MBNL1: variants seen among roughly 807,000 people sequenced by gnomAD.
MBNL1 encodes the protein muscleblind-like protein 1.
MBNL1 carries 8 observed loss-of-function variants against 42.2 expected under a neutral mutation model. The observed-to-expected ratio is 0.19, with a 90% CI of 0.11 to 0.34. The LOEUF (loss-of-function observed/expected upper bound fraction) is 0.34, where lower values mean the gene tolerates loss of function less well. Ranked by LOEUF, MBNL1 falls within the 10% of genes least tolerant of loss-of-function variation. The probability of loss-of-function intolerance (pLI) is 1.00; values close to 1 mark genes in which losing one functional copy is unlikely to be tolerated. For synonymous variants in MBNL1, 169 were observed against 173.9 expected, an observed-to-expected ratio of 0.97 and a Z score of 0.22; for missense variants, 309 against 495.3, an observed-to-expected ratio of 0.62 and a Z score of 3.57.
rs911139167 is a variant in MBNL1, at chr3:152,335,148, G to A, written c.174+34781G>A. ...AAATGTTGTTTAAGGGGAACCTTCT[G>A]GATCCTTTTCATGGCACCATGGCAA... On this transcript the variant is annotated intron_variant, in intron 2 of 9. Coordinates refer to ENST00000324210, the MANE Select transcript of MBNL1 (RefSeq NM_021038.5). 6 of 1,289,626 alleles carry A rather than the reference G, an allele frequency of 4.7e-6. No individual in the cohort carries two copies. In the East Asian group the frequency reaches 3.3e-4, roughly 72 times the overall value. 79.9% of individuals were successfully genotyped at this position (1,289,626 alleles called of 1,614,324 possible). A position where few individuals can be genotyped will look rare whatever the true frequency, so the allele number is the denominator to read the frequency against.
intron 2 of MBNL1, among the ~76,000 whole-genome samples, chr3:152,248,440 G>T (rs2149368646): frequency 6.6e-6 from 1 of 151,862 alleles, no homozygotes; most frequent in South Asian, 2.1e-4. Flanking sequence ...ACCTAGATTT[G>T]CTTAAATATT....
At chr3:152,455,190 G>A (rs141249528) in intron 6 of MBNL1, among the ~76,000 whole-genome samples, 250 of 152,196 alleles carry the variant, frequency 1.6e-3, no homozygotes, top group African/African-American at 5.5e-3. Context: ...ATAGCAAAAC[G>A]ACCAGATGGT....
rs1013641707 is a variant in MBNL1 at position 152,344,961 on chromosome 3, G to A, written c.174+44594G>A. ...AGAGTCATACTAGAGTAGAAATTACGTGACATTAATTCTCTGTAATTCTCT... is the reference window on the plus strand; with the variant it reads ...AGAGTCATACTAGAGTAGAAATTACATGACATTAATTCTCTGTAATTCTCT... On this transcript the variant is annotated intron_variant, in intron 2 of 9. Coordinates refer to ENST00000324210, the MANE Select transcript of MBNL1 (RefSeq NM_021038.5). Among the ~76,000 whole-genome samples the A allele has an allele frequency of 3.9e-5, 6 of 152,178 alleles. No individual in the cohort carries two copies. In the South Asian group the frequency reaches 1.0e-3, roughly 26 times the overall value.
In MBNL1 at chr3:152,324,514, A is replaced by T. The variant is rs544614826; in HGVS notation, c.174+24147A>T. On this transcript the variant is annotated intron_variant, in intron 2 of 9. Coordinates refer to ENST00000324210, the MANE Select transcript of MBNL1 (RefSeq NM_021038.5). ...ATGATGTCTTTGTTGATAGCTTAAAATTGGCTATGGTGAGAGCGTTTACAC... is the reference window on the plus strand; with the variant it reads ...ATGATGTCTTTGTTGATAGCTTAAATTTGGCTATGGTGAGAGCGTTTACAC... Among the ~76,000 whole-genome samples the T allele has an allele frequency of 2.0e-4, 30 of 152,294 alleles. 1 individual carries two copies. Among genetic ancestry groups the T allele is most frequent in the African/African-American group, 6.7e-4 (28 of 41,568 alleles).
intron 2 of MBNL1, among the ~76,000 whole-genome samples, chr3:152,381,603 C>T (rs1388584376): frequency 6.6e-6 from 1 of 151,712 alleles, no homozygotes; most frequent in Non-Finnish European, 1.5e-5. Context: ...TCTAGTAATT[C>T]TATAGTTAGC....
At chr3:152,269,297 C>T (rs529009521) in intron 1 of MBNL1, 16 of 352,286 alleles carry the variant, frequency 4.5e-5, no homozygotes, top group South Asian at 3.3e-4. Flanking sequence ...GCAGCCGCTC[C>T]TGCGCCCTTC....
In MBNL1 at chr3:152,463,242, C is replaced by T. The variant is rs940464906; in HGVS notation, c.*876C>T. On this transcript the variant is annotated 3_prime_UTR_variant, in exon 10 of 10. Transcript: ENST00000324210. ...CAAACTCTCTCAATACAGATAAACT[C>T]ACACATACTGGAGATATATATATAA... 1.3e-5 allele frequency: 2 copies of T among 150,482 alleles called. No homozygotes were observed. Among genetic ancestry groups the T allele is most frequent in the Admixed American group, 6.7e-5 (1 of 15,036 alleles). The allele number at this position is 150,482 out of a possible 1,614,324, so 9.3% of individuals were successfully genotyped here. A position where few individuals can be genotyped will look rare whatever the true frequency, so the allele number is the denominator to read the frequency against.
intron 2 of MBNL1, among the ~76,000 whole-genome samples, chr3:152,310,478 A>G (rs1356696100): frequency 1.3e-5 from 2 of 152,236 alleles, no homozygotes; most frequent in African/African-American, 2.4e-5. Flanking sequence ...ATGAAGCACT[A>G]TACAGTGACC....
intron 2 of MBNL1, among the ~76,000 whole-genome samples, chr3:152,312,962 T>G (rs980194237): frequency 3.3e-5 from 5 of 152,182 alleles, no homozygotes; most frequent in African/African-American, 1.2e-4. Flanking sequence ...GTTTAGAATT[T>G]TCATCAAACT....
At chr3:152,284,465 A>G (rs1438942546) in intron 1 of MBNL1, among the ~76,000 whole-genome samples, 3 of 152,100 alleles carry the variant, frequency 2.0e-5, no homozygotes, top group South Asian at 2.1e-4. Context: ...AAAATCCTTT[A>G]TGTCATTTCA....
At chr3:152,313,355 CTT>C (rs1227996281) in intron 2 of MBNL1, among the ~76,000 whole-genome samples, 2 of 152,114 alleles carry the variant, frequency 1.3e-5, no homozygotes, top group Non-Finnish European at 2.9e-5. Context: ...AGAATCAAGA[CTT>C]TGTTAAGAGC....
chr3:152,284,334 T>C (rs1361885815), intron 1 of MBNL1, among the ~76,000 whole-genome samples: 1 of 151,972 alleles, frequency 6.6e-6, no homozygotes. Flanking sequence ...AAGATTATAA[T>C]TTTTTTTAAT....
intron 2 of MBNL1, among the ~76,000 whole-genome samples, chr3:152,325,083 A>ACCCCCC (rs532514721): frequency 1.4e-3 from 37 of 25,990 alleles, no homozygotes; most frequent in Non-Finnish European, 1.8e-3. Context: ...AATGCCACAT[A>ACCCCCC]CCCGCCCCCC....
chr3:152,457,024 A>G (rs1300845645), intron 8 of MBNL1, among the ~76,000 whole-genome samples: 2 of 152,190 alleles, frequency 1.3e-5, no homozygotes, highest in African/African-American at 2.4e-5. Context: ...GCAAATTGAC[A>G]GTCATTCTGT....
At chr3:152,433,436 C>T (rs1321079635) in intron 4 of MBNL1, among the ~76,000 whole-genome samples, 1 of 152,216 alleles carries the variant, frequency 6.6e-6, no homozygotes, top group Non-Finnish European at 1.5e-5. Context: ...GAAAGAAAAC[C>T]TTATGAAGTA....
chr3:152,432,924 G>C lies in MBNL1; in HGVS notation c.549+4G>C. 6.2e-7 allele frequency: 1 copy of C among 1,608,416 alleles called. No individual in the cohort carries two copies. The highest frequency in any genetic ancestry group is 2.2e-5 in the East Asian group (1 of 44,722). ...AATGCGAACAGACAGACTTGAGGTA[G>C]GAATGACTAGTTGGTGTCTTTATAT... On this transcript the variant is annotated splice_donor_region_variant and intron_variant, in intron 4 of 9. Transcript: ENST00000324210.
intron 2 of MBNL1, among the ~76,000 whole-genome samples, chr3:152,377,545 A>G (rs2096963423): frequency 6.6e-6 from 1 of 152,230 alleles, no homozygotes; most frequent in African/African-American, 2.4e-5. Flanking sequence ...AAGCTCTTAG[A>G]ACTGTGTATA....
intron 2 of MBNL1, among the ~76,000 whole-genome samples, chr3:152,328,401 G>A (rs936429079): frequency 1.3e-5 from 2 of 151,906 alleles, no homozygotes; most frequent in Non-Finnish European, 2.9e-5. Context: ...TTAGAATATA[G>A]GTAATTATTT....
chr3:152,366,814 T>A (rs2153217947), intron 2 of MBNL1, among the ~76,000 whole-genome samples: 1 of 152,278 alleles, frequency 6.6e-6, no homozygotes, highest in East Asian at 1.9e-4. Context: ...TGTCAGTTAT[T>A]TTAGATGGTG....
Sources: allele counts gnomAD v4.1 joint callset (sites outside exome capture counted in the v4.1 genomes callset), GRCh38; gene constraint gnomAD v4.1.1; transcripts MANE v1.5; gene names NCBI Gene and HGNC (gene_info 2026-07-23, HGNC 2026-07-21).